The following CHL1 variants were observed in gnomAD, a reference collection of about 807,000 sequenced individuals.
CHL1 encodes the protein neural cell adhesion molecule L1-like protein.
A neutral mutation model predicts 141.9 loss-of-function variants in CHL1; 96 were observed. That is an observed-to-expected ratio of 0.68 (90% confidence interval 0.57 to 0.80). The LOEUF is 0.80. Ranked by LOEUF, CHL1 falls within the 30% of genes least tolerant of loss-of-function variation. CHL1 has a pLI of 0.00. For missense variants in CHL1, 1,820 were observed against 1,457.2 expected, an observed-to-expected ratio of 1.25 and a Z score of -4.05; for synonymous variants, 613 against 502.2, an observed-to-expected ratio of 1.22 and a Z score of -2.95.
chr3:354,695 T>C lies in CHL1; in HGVS notation c.1089T>C (p.Asn363=), dbSNP rs755307388. 1 of 1,613,970 alleles carries C rather than the reference T, an allele frequency of 6.2e-7. No homozygotes were observed. Among genetic ancestry groups the C allele is most frequent in the Non-Finnish European group, 8.5e-7 (1 of 1,179,912 alleles). Residue 363 remains asparagine (N), a synonymous_variant, in exon 11 of 28, where the codon AAT becomes AAC. Coordinates refer to ENST00000256509, the MANE Select transcript of CHL1 (RefSeq NM_006614.4). ...PQSAVYSTGS[N]GILLCEAEGE... is the part of the protein sequence containing the mutation. Reference sequence around the variant, plus strand: ...GTGCTGTGTATAGCACCGGAAGCAATGGCATCTTGTTATGTGAGGCTGAAG... The same window carrying C: ...GTGCTGTGTATAGCACCGGAAGCAACGGCATCTTGTTATGTGAGGCTGAAG...
At chr3:293,115 C>T (rs145780462) in intron 2 of CHL1, among the ~76,000 whole-genome samples, 3 of 152,190 alleles carry the variant, frequency 2.0e-5, no homozygotes, top group African/African-American at 7.2e-5. Flanking sequence ...TAGCACAGTG[C>T]TTCAGGTTAG....
chr3:291,081 T>C (rs2125339530), intron 2 of CHL1, among the ~76,000 whole-genome samples: 1 of 152,264 alleles, frequency 6.6e-6, no homozygotes, highest in South Asian at 2.1e-4. Flanking sequence ...AAAACATTAA[T>C]ATAGGACTTT....
Position 382,536 on chromosome 3 carries a change from G to C in CHL1, c.2041G>C (p.Val681Leu), listed in dbSNP as rs769437685. The change falls in exon 18 of 28, where the codon GTC (valine) becomes CTC (leucine). Residue 681 changes from valine to leucine, a missense_variant. Val to Leu is a conservative substitution (Grantham distance 32, BLOSUM62 1). Transcript: ENST00000256509. Reference sequence around the variant, plus strand: ...TGGAAGGTGGGAGGAACTGACCAGAGTCCAAGGAAAGAAAACCACAGTTAT... The same window carrying C: ...TGGAAGGTGGGAGGAACTGACCAGACTCCAAGGAAAGAAAACCACAGTTAT... ...EPGRWEELTRVQGKKTTVILP... is the reference protein window; with the variant it reads ...EPGRWEELTRLQGKKTTVILP... The C allele has an allele frequency of 4.3e-6, 7 of 1,613,760 alleles. No individual in the cohort carries two copies. The African/African-American group carries it at 6.7e-5, about 15-fold the overall frequency.
intron 15 of CHL1, among the ~76,000 whole-genome samples, chr3:367,108 G>C (rs1276992708): frequency 6.6e-6 from 1 of 152,212 alleles, no homozygotes; most frequent in African/African-American, 2.4e-5. Context: ...AATAGCACTA[G>C]ATGATATTAA....
At chr3:215,930 T>G (rs938883863) in intron 1 of CHL1, among the ~76,000 whole-genome samples, 20 of 152,342 alleles carry the variant, frequency 1.3e-4, no homozygotes, top group African/African-American at 4.8e-4. Context: ...CCACTAGTGT[T>G]TTATTTACTG....
intron 2 of CHL1, among the ~76,000 whole-genome samples, chr3:278,309 C>T (rs1696335756): frequency 6.6e-6 from 1 of 152,194 alleles, no homozygotes; most frequent in Non-Finnish European, 1.5e-5. Flanking sequence ...TAGGAGATCC[C>T]ACTGAAATCA....
chr3:329,417 A>G lies in CHL1; in HGVS notation c.385+1063A>G, dbSNP rs749433330. Among the ~76,000 whole-genome samples the G allele has an allele frequency of 1.9e-4, 29 of 152,110 alleles. 1 individual carries two copies. Among genetic ancestry groups the G allele is most frequent in the Non-Finnish European group, 4.0e-4 (27 of 68,020 alleles). On this transcript the variant is annotated intron_variant, in intron 5 of 27. Transcript: ENST00000256509. ...AAAGTTCAGAGAGGGCATTGTATTT[A>G]AATTGTCCTAAAGTCCTTATATAAT...
intron 2 of CHL1, among the ~76,000 whole-genome samples, chr3:292,985 C>T (rs920658627): frequency 6.6e-6 from 1 of 152,144 alleles, no homozygotes; most frequent in Non-Finnish European, 1.5e-5. Flanking sequence ...AGTGAACTAC[C>T]GAAGCTTTTT....
At chr3:266,403 T>C (rs1695154446) in intron 2 of CHL1, among the ~76,000 whole-genome samples, 2 of 152,120 alleles carry the variant, frequency 1.3e-5, no homozygotes, top group Admixed American at 1.3e-4. Context: ...AGAAGGGGGC[T>C]GGGGACTCAT....
intron 2 of CHL1, among the ~76,000 whole-genome samples, chr3:259,527 C>G (rs1447722500): frequency 6.6e-6 from 1 of 152,130 alleles, no homozygotes; most frequent in East Asian, 1.9e-4. Context: ...GGTCCTTGAG[C>G]CACTTTTCAG....
rs757470386 is a variant in CHL1, at chr3:389,449, A to G, written c.2445A>G (p.Ser815=). 26 of 1,614,036 alleles carry G rather than the reference A, an allele frequency of 1.6e-5. No homozygotes were observed. The highest frequency in any genetic ancestry group is 2.2e-5 in the Non-Finnish European group (26 of 1,180,012). The change falls in exon 20 of 28, where the codon TCA becomes TCG. Residue 815 remains serine (S), a synonymous_variant. Transcript: ENST00000256509. The stretch of plus-strand genomic sequence containing the variant: ...TAGGATCTGGGCCTGACCCTCAGTC[A>G]GTGACTCTCTATTCTGGAGAAGACT... ...NQLGSGPDPQ[S]VTLYSGEDYP... is the part of the protein sequence containing the mutation.
chr3:248,426 T>A (rs1381513673), intron 2 of CHL1: 1 of 152,148 alleles, frequency 6.6e-6, no homozygotes, highest in East Asian at 1.9e-4. Flanking sequence ...GTGATCATTT[T>A]GTAGGTTTTT....
Position 325,981 on chromosome 3 carries a change from A to G in CHL1, c.114A>G (p.Ile38Met). Reference sequence around the variant, plus strand: ...TAGTTCAACAGGTTCCAACAATCATAAAACAGTCAAAAGTCCAAGTTGCCT... The same window carrying G: ...TAGTTCAACAGGTTCCAACAATCATGAAACAGTCAAAAGTCCAAGTTGCCT... ...PSSVQQVPTI[I>M]KQSKVQVAFP... The change falls in exon 4 of 28, where the codon ATA becomes ATG. Residue 38 changes from isoleucine to methionine, a missense_variant. Coordinates refer to ENST00000256509, the MANE Select transcript of CHL1 (RefSeq NM_006614.4). 2.5e-6 allele frequency: 4 copies of G among 1,610,750 alleles called. No individual in the cohort carries two copies. Among genetic ancestry groups the G allele is most frequent in the Non-Finnish European group, 3.4e-6 (4 of 1,177,726 alleles).
Position 203,654 on chromosome 3 carries a change from G to A in CHL1, c.-175+6591G>A, listed in dbSNP as rs935517074. On this transcript the variant is annotated intron_variant, in intron 1 of 27. Transcript: ENST00000256509. The stretch of plus-strand genomic sequence containing the variant: ...AGGTGAAGTTCCTGGAAGGAGGTGG[G>A]AGCAGTAGCTCTGGAAGAGGGCTGT... Among the ~76,000 whole-genome samples the A allele has an allele frequency of 5.3e-5, 8 of 152,236 alleles. 1 individual carries two copies. Among genetic ancestry groups the A allele is most frequent in the Non-Finnish European group, 8.8e-5 (6 of 68,038 alleles).
At position 377,957 on chromosome 3, in the gene CHL1, T is replaced by A; in HGVS notation, c.1876+15T>A. 1.3e-6 allele frequency: 2 copies of A among 1,582,506 alleles called. No homozygotes were observed. The highest frequency in any genetic ancestry group is 8.6e-7 in the Non-Finnish European group (1 of 1,168,248). On this transcript the variant is annotated intron_variant, in intron 16 of 27. Transcript: ENST00000256509. Reference sequence around the variant, plus strand: ...AACTGTTCTTGGTAAGTGCACTAACTAATGAGAAATCTGTTCATTTCTTCA... The same window carrying A: ...AACTGTTCTTGGTAAGTGCACTAACAAATGAGAAATCTGTTCATTTCTTCA...
At chr3:242,459 G>A (rs1217145531) in intron 1 of CHL1, among the ~76,000 whole-genome samples, 16 of 145,728 alleles carry the variant, frequency 1.1e-4, no homozygotes, top group East Asian at 4.1e-4. Flanking sequence ...ATCCCGGCGT[G>A]GTGGTGGGCG....
chr3:273,803 G>A (rs58391456), intron 2 of CHL1, among the ~76,000 whole-genome samples: 2,920 of 152,062 alleles, frequency 0.019, 74 homozygotes, highest in African/African-American at 0.063. Context: ...TGTTAAATTT[G>A]CTTTTCTACT....
At chr3:234,609 T>A (rs777597020) in intron 1 of CHL1, among the ~76,000 whole-genome samples, 1 of 152,134 alleles carries the variant, frequency 6.6e-6, no homozygotes, top group African/African-American at 2.4e-5. Context: ...GAAGCCCCCA[T>A]GCTGGTGAGG....
In CHL1 at chr3:344,650, G is replaced by C; in HGVS notation, c.789G>C (p.Glu263Asp). Residue 263 changes from glutamate (E) to aspartate (D), a missense_variant, in exon 9 of 28, where the codon GAG (glutamate) becomes GAC (aspartate). Coordinates refer to ENST00000256509, the MANE Select transcript of CHL1 (RefSeq NM_006614.4). Reference protein sequence around the residue: ...LLLPPTESGSESSITILKGEI... With the variant: ...LLLPPTESGSDSSITILKGEI... ...TGCCTCCCACTGAGAGTGGCAGTGA[G>C]TCTTCAATTACCATCCTCAAAGGGG... 2 of 1,613,680 alleles carry C rather than the reference G, an allele frequency of 1.2e-6. No homozygotes were observed. Among genetic ancestry groups the C allele is most frequent in the Non-Finnish European group, 1.7e-6 (2 of 1,179,714 alleles).
Sources: gnomAD v4.1 joint callset for allele counts (sites outside exome capture counted in the v4.1 genomes callset) on GRCh38, gnomAD v4.1.1 for gene constraint, MANE v1.5 for transcripts, NCBI Gene and HGNC (gene_info 2026-07-23, HGNC 2026-07-21) for gene names.